ARHGEF7: variants seen among roughly 807,000 people sequenced by gnomAD.
The protein encoded by ARHGEF7 is Rho guanine nucleotide exchange factor 7.
A neutral mutation model predicts 109.8 loss-of-function variants in ARHGEF7; 33 were observed. The ratio of observed to expected loss-of-function variants is 0.30; its 90% CI spans 0.23 to 0.40. ARHGEF7 has a LOEUF of 0.40. ARHGEF7 is among the 10% of genes least tolerant of loss of function. The pLI, the probability that ARHGEF7 is intolerant of heterozygous loss-of-function variation, is 1.00. For missense variants in ARHGEF7, 938 were observed against 1,098.5 expected, an observed-to-expected ratio of 0.85 and a Z score of 2.07; for synonymous variants, 458 against 424.6, an observed-to-expected ratio of 1.08 and a Z score of -0.97.
At chr13:111,154,338 C>T (rs993575801) in intron 2 of ARHGEF7, among the ~76,000 whole-genome samples, 1 of 152,174 alleles carries the variant, frequency 6.6e-6, no homozygotes, top group Admixed American at 6.5e-5. Flanking sequence ...TTGGCACCTG[C>T]CTCAGCATGA....
chr13:111,143,264 G>A (rs188862257), intron 1 of ARHGEF7, among the ~76,000 whole-genome samples: 82 of 152,314 alleles, frequency 5.4e-4, no homozygotes, highest in Admixed American at 5.2e-3. Context: ...GACTGCTTGT[G>A]CTGAGGGTGG....
chr13:111,252,129 G>A (rs770884797), intron 8 of ARHGEF7, among the ~76,000 whole-genome samples: 116 of 152,210 alleles, frequency 7.6e-4, no homozygotes, highest in Non-Finnish European at 1.2e-3. Context: ...TCCATAGAAA[G>A]CACTAGTTAA....
Position 111,123,278 on chromosome 13 carries a change from T to A in ARHGEF7, c.165+7587T>A, listed in dbSNP as rs551752564. Among the ~76,000 whole-genome samples the A allele has an allele frequency of 5.9e-5, 9 of 152,266 alleles. No homozygotes were observed. The East Asian group carries it at 1.7e-3, about 29-fold the overall frequency. ...CCAGGGCTTGGGTGCTGGTGGGGTG[T>A]GATCACATGGAGGAGAACTCAGTTG... On this transcript the variant is annotated intron_variant, in intron 1 of 21. Transcript: ENST00000646102.
chr13:111,179,919 A>G (rs1754999116), intron 2 of ARHGEF7, among the ~76,000 whole-genome samples: 1 of 152,190 alleles, frequency 6.6e-6, no homozygotes, highest in African/African-American at 2.4e-5. Flanking sequence ...TGCTGGTGCC[A>G]CAGTTGGTCA....
rs571200266 is a variant in ARHGEF7, at chr13:111,160,093, C to A, written c.252+6102C>A. ...ATGTGGATATCCAATTTTCCCAGCA[C>A]CATATGTTGAAGACTGTCCTTTTCC... is the stretch of plus-strand genomic sequence containing the variant. On this transcript the variant is annotated intron_variant, in intron 2 of 21. Coordinates refer to ENST00000646102, the MANE Select transcript of ARHGEF7 (RefSeq NM_001354046.2). Among the ~76,000 whole-genome samples the A allele has an allele frequency of 1.7e-4, 26 of 152,320 alleles. No homozygotes were observed. The South Asian group carries it at 4.6e-3, about 27-fold the overall frequency.
At chr13:111,137,200 A>C (rs2075127651) in intron 1 of ARHGEF7, among the ~76,000 whole-genome samples, 1 of 152,370 alleles carries the variant, frequency 6.6e-6, no homozygotes, top group African/African-American at 2.4e-5. Context: ...TTCTGAAACT[A>C]TTCCAATCAA....
intron 19 of ARHGEF7, chr13:111,294,860 A>G: frequency 1.0e-6 from 1 of 985,882 alleles, no homozygotes; most frequent in African/African-American, 1.7e-5. Flanking sequence ...AATGGCCTAA[A>G]TGGTGTTCCC....
chr13:111,241,278 G>A (rs931642600), intron 6 of ARHGEF7: 32 of 1,536,038 alleles, frequency 2.1e-5, no homozygotes, highest in Non-Finnish European at 2.6e-5. Context: ...AGGCTGTGAG[G>A]TCTCATGGGG....
intron 12 of ARHGEF7, chr13:111,275,904 G>C: frequency 1.9e-6 from 1 of 539,644 alleles, no homozygotes; most frequent in Non-Finnish European, 3.3e-6. Flanking sequence ...GCTGAAGTCA[G>C]TGTGGCCCGA....
At chr13:111,286,126 T>G (rs1344689415) in intron 16 of ARHGEF7, 21 bp from the exon 17 acceptor site, 5 of 1,592,986 alleles carry the variant, frequency 3.1e-6, no homozygotes, top group Non-Finnish European at 4.3e-6. Flanking sequence ...TATGTTAGCA[T>G]TTTCTTTTGT....
chr13:111,243,710 A>G (rs1036096943), intron 6 of ARHGEF7, among the ~76,000 whole-genome samples, 162 bp from the exon 7 acceptor site: 6 of 152,244 alleles, frequency 3.9e-5, no homozygotes, highest in African/African-American at 1.4e-4. Flanking sequence ...TGGGTTTAAC[A>G]GTCAATAATT....
At chr13:111,206,206 G>A (rs1415605663) in intron 3 of ARHGEF7, among the ~76,000 whole-genome samples, 3 of 151,382 alleles carry the variant, frequency 2.0e-5, no homozygotes, top group Admixed American at 2.0e-4. Flanking sequence ...TGTCGGGGTC[G>A]CTTCTCAGCT....
intron 2 of ARHGEF7, among the ~76,000 whole-genome samples, chr13:111,185,986 G>GTA (rs1331792369): frequency 6.6e-6 from 1 of 151,680 alleles, no homozygotes; most frequent in Non-Finnish European, 1.5e-5. Context: ...GTGTGTGTGT[G>GTA]TGTGTGTGTG....
At chr13:111,146,969 T>C (rs1323872020) in intron 1 of ARHGEF7, among the ~76,000 whole-genome samples, 1 of 152,232 alleles carries the variant, frequency 6.6e-6, no homozygotes, top group Non-Finnish European at 1.5e-5. Flanking sequence ...GTTAGAGTTC[T>C]TGATGGAAAA....
intron 16 of ARHGEF7, among the ~76,000 whole-genome samples, chr13:111,283,593 CA>C (rs975235796): frequency 2.0e-5 from 3 of 152,256 alleles, no homozygotes; most frequent in African/African-American, 7.2e-5. Context: ...CTGCCATGCA[CA>C]GGGGGGCCTT....
chr13:111,230,507 A>G (rs533944810), intron 5 of ARHGEF7, among the ~76,000 whole-genome samples: 3 of 152,142 alleles, frequency 2.0e-5, no homozygotes, highest in Non-Finnish European at 2.9e-5. Context: ...TTGATGGCAC[A>G]TTTCTTCTGG....
At chr13:111,280,506 C>A in intron 14 of ARHGEF7, 32 bp from the exon 15 acceptor site, 1 of 1,578,018 alleles carries the variant, frequency 6.3e-7, no homozygotes, top group Non-Finnish European at 8.6e-7. Context: ...CCTGTGTTTC[C>A]ACTCGGCCTA....
chr13:111,300,925 G>C, intron 20 of ARHGEF7, 78 bp downstream of exon 20: 1 of 866,602 alleles, frequency 1.2e-6, no homozygotes, highest in Non-Finnish European at 1.8e-6. Context: ...ACTCCCTGAG[G>C]GCGGGGGTAT....
intron 2 of ARHGEF7, among the ~76,000 whole-genome samples, chr13:111,176,304 G>T (rs1445685994): frequency 6.6e-6 from 1 of 152,242 alleles, no homozygotes; most frequent in Non-Finnish European, 1.5e-5. Context: ...ATGACTGTAG[G>T]TGAGCAAGAT....
Sources: gnomAD v4.1 joint callset for allele counts (sites outside exome capture counted in the v4.1 genomes callset) on GRCh38, gnomAD v4.1.1 for gene constraint, MANE v1.5 for transcripts, NCBI Gene and HGNC (gene_info 2026-07-23, HGNC 2026-07-21) for gene names.